Variants in APBB2 observed in about 807,000 individuals in gnomAD.
The protein encoded by APBB2 is Fe65-like 1.
In APBB2, 38 loss-of-function variants were observed where a neutral mutation model predicts 82.5. That is an observed-to-expected ratio of 0.46 (90% CI 0.36 to 0.60). APBB2 has a LOEUF of 0.60. Among genes scored for constraint, APBB2 ranks in the 20% least tolerant of loss-of-function variants. The pLI is 0.00. For synonymous variants in APBB2, 341 were observed against 368.2 expected (o/e 0.93, Z 0.85); for missense variants, 772 against 972.3 (o/e 0.79, Z 2.74).
chr4:41,197,774 T>A, intron 1 of APBB2, among the ~76,000 whole-genome samples: 66 of 152,334 alleles, frequency 4.3e-4, no homozygotes, highest in Non-Finnish European at 8.5e-4. Flanking sequence ...TCTACCCCCA[T>A]ATTCTTTGTT....
chr4:41,027,155 C>G (rs1303251349), intron 5 of APBB2, among the ~76,000 whole-genome samples: 1 of 151,950 alleles, frequency 6.6e-6, no homozygotes, highest in Non-Finnish European at 1.5e-5. Context: ...CTGCAGCACC[C>G]GATTAAAGCC....
chr4:40,900,093 C>T (rs575216576), intron 10 of APBB2, among the ~76,000 whole-genome samples: 9 of 152,248 alleles, frequency 5.9e-5, no homozygotes, highest in Middle Eastern at 3.4e-3. Context: ...TGTTAGAAAA[C>T]GAAAAGAGTT....
intron 2 of APBB2, among the ~76,000 whole-genome samples, chr4:41,128,458 G>GT (rs1755043639): frequency 1.3e-5 from 2 of 152,110 alleles, no homozygotes; most frequent in African/African-American, 4.8e-5. Context: ...CCAGTAAAAG[G>GT]TAACATTTTA....
Position 41,079,669 on chromosome 4 carries a change from C to T in APBB2, c.-148-13996G>A, listed in dbSNP as rs557623395. 2.8e-3 allele frequency among the ~76,000 whole-genome samples: 419 copies of T among 152,198 alleles called. 3 individuals are homozygous for T. The highest frequency in any genetic ancestry group is 9.6e-3 in the African/African-American group (399 of 41,528). ...GTTCAAGTGATTCTCCTGCCCCACCCTCCCAAGTAGCTGGGACTACAGGCG... is the reference window on the plus strand; with the variant it reads ...GTTCAAGTGATTCTCCTGCCCCACCTTCCCAAGTAGCTGGGACTACAGGCG... On this transcript the variant is annotated intron_variant, in intron 3 of 17. Coordinates refer to ENST00000508593, the MANE Select transcript of APBB2 (RefSeq NM_004307.2).
At chr4:41,026,769 T>G (rs1483832036) in intron 5 of APBB2, among the ~76,000 whole-genome samples, 2 of 152,230 alleles carry the variant, frequency 1.3e-5, no homozygotes, top group Admixed American at 6.5e-5. Context: ...TTAGCTATTA[T>G]GAGTTAACAC....
At chr4:40,861,811 GTTTTCTT>G (rs72425223) in intron 12 of APBB2, among the ~76,000 whole-genome samples, 61,072 of 151,362 alleles carry the variant, frequency 0.4, 12,627 homozygotes, top group African/African-American at 0.51. Flanking sequence ...GTGTTCTATT[GTTTTCTT>G]TTTTCTTTCT....
intron 6 of APBB2, among the ~76,000 whole-genome samples, chr4:40,989,323 G>T (rs1247431040): frequency 1.3e-5 from 2 of 152,030 alleles, no homozygotes; most frequent in Non-Finnish European, 2.9e-5. Context: ...CATGAGAAAT[G>T]GCTTCCAGAG....
At chr4:40,951,383 GA>G (rs1790110919) in intron 6 of APBB2, among the ~76,000 whole-genome samples, 1 of 152,208 alleles carries the variant, frequency 6.6e-6, no homozygotes, top group African/African-American at 2.4e-5. Flanking sequence ...CGGCCTAGTC[GA>G]GGTATTTTTC....
At chr4:41,145,665 G>A (rs73810844) in intron 1 of APBB2, among the ~76,000 whole-genome samples, 26,312 of 152,076 alleles carry the variant, frequency 0.17, 2,436 homozygotes, top group African/African-American at 0.23. Context: ...CTATCACACC[G>A]AAAGCTTTCT....
chr4:40,915,470 T>C (rs1325532805), intron 10 of APBB2, among the ~76,000 whole-genome samples: 1 of 152,194 alleles, frequency 6.6e-6, no homozygotes, highest in Non-Finnish European at 1.5e-5. Context: ...GTTAAATGAA[T>C]GTATATCTGC....
chr4:41,108,317 G>A (rs905577142), intron 2 of APBB2, among the ~76,000 whole-genome samples: 5 of 151,830 alleles, frequency 3.3e-5, no homozygotes, highest in South Asian at 2.1e-4. Context: ...AGAAACTGAC[G>A]CACATAGGAA....
intron 1 of APBB2, among the ~76,000 whole-genome samples, chr4:41,176,953 A>G (rs911889802): frequency 3.3e-5 from 5 of 151,806 alleles, no homozygotes; most frequent in African/African-American, 9.7e-5. Context: ...ACTGTCAAAT[A>G]TATTACACAA....
chr4:40,951,756 T>A (rs1375195786), intron 6 of APBB2, among the ~76,000 whole-genome samples: 1 of 152,218 alleles, frequency 6.6e-6, no homozygotes, highest in Non-Finnish European at 1.5e-5. Flanking sequence ...CTGTTAGTGT[T>A]ATCATCACCA....
chr4:41,161,561 GT>G (rs369960796), intron 1 of APBB2, among the ~76,000 whole-genome samples: 39 of 152,280 alleles, frequency 2.6e-4, no homozygotes, highest in African/African-American at 8.4e-4. Flanking sequence ...AGCTAAAATT[GT>G]GCCACCGCCC....
At chr4:40,883,273 T>C (rs1459745086) in intron 12 of APBB2, among the ~76,000 whole-genome samples, 3 of 152,160 alleles carry the variant, frequency 2.0e-5, no homozygotes, top group Admixed American at 6.5e-5. Context: ...CAGTGAGCTA[T>C]GATCACATCA....
At chr4:41,040,752 A>G (rs1023614596) in intron 4 of APBB2, among the ~76,000 whole-genome samples, 3 of 152,244 alleles carry the variant, frequency 2.0e-5, no homozygotes, top group Non-Finnish European at 4.4e-5. Context: ...TGTGTCCAAC[A>G]TCCTCATATA....
At chr4:41,124,232 T>C (rs1753737519) in intron 2 of APBB2, among the ~76,000 whole-genome samples, 2 of 152,236 alleles carry the variant, frequency 1.3e-5, no homozygotes. Context: ...TTTATTTTAT[T>C]TTTTGAGACA....
chr4:41,033,574 C>G (rs1420708272), intron 4 of APBB2, among the ~76,000 whole-genome samples: 1 of 125,350 alleles, frequency 8.0e-6, no homozygotes, highest in East Asian at 2.5e-4. Context: ...GTTTCCAATG[C>G]TTTTTCTCAT....
chr4:41,035,823 T>C (rs1210700963), intron 4 of APBB2, among the ~76,000 whole-genome samples: 2 of 152,182 alleles, frequency 1.3e-5, no homozygotes, highest in African/African-American at 2.4e-5. Flanking sequence ...AGCAAAACTA[T>C]TTACATAGCA....
Sources: gnomAD v4.1 joint callset for allele counts (sites outside exome capture counted in the v4.1 genomes callset) on GRCh38, gnomAD v4.1.1 for gene constraint, MANE v1.5 for transcripts, NCBI Gene and HGNC (gene_info 2026-07-23, HGNC 2026-07-21) for gene names.